The following ZNF717 variants were observed in gnomAD, a reference collection of about 807,000 sequenced individuals.
ZNF717 encodes zinc finger protein 717, also known as krueppel-like factor X17.
A neutral mutation model predicts 13.8 loss-of-function variants in ZNF717; 9 were observed. The observed-to-expected ratio is 0.65, with a 90% CI of 0.39 to 1.14. The LOEUF is 1.14. Among genes scored for constraint, ZNF717 ranks in the 50% most tolerant of loss-of-function variants. The pLI is 0.01. For missense variants in ZNF717, 1,040 were observed against 1,080.7 expected, an observed-to-expected ratio of 0.96 and a Z score of 0.53; for synonymous variants, 327 against 364.1, an observed-to-expected ratio of 0.90 and a Z score of 1.16.
chr3:75,782,906 A>T (rs1172109781), intron 2 of ZNF717, among the ~76,000 whole-genome samples: 2 of 152,232 alleles, frequency 1.3e-5, no homozygotes, highest in Non-Finnish European at 2.9e-5. Context: ...TTTCCACTGC[A>T]CAACACTACA....
chr3:75,756,250 A>G (rs1385139698), intron 2 of ZNF717, among the ~76,000 whole-genome samples: 1 of 152,264 alleles, frequency 6.6e-6, no homozygotes, highest in East Asian at 1.9e-4. Context: ...ACAACTGACA[A>G]ATGCGTGTGT....
chr3:75,772,317 G>A (rs573292919), intron 2 of ZNF717, among the ~76,000 whole-genome samples: 2 of 152,204 alleles, frequency 1.3e-5, no homozygotes, highest in Non-Finnish European at 2.9e-5. Flanking sequence ...AAGAACTCGG[G>A]ACCTGCCAAC....
intron 4 of ZNF717, among the ~76,000 whole-genome samples, chr3:75,722,374 T>C (rs1575722685): frequency 6.6e-6 from 1 of 152,244 alleles, no homozygotes; most frequent in African/African-American, 2.4e-5. Flanking sequence ...TTTTACATTT[T>C]TGCAAAATGT....
At chr3:75,700,770 C>A (rs958671278) in intron 6 of ZNF717, among the ~76,000 whole-genome samples, 1 of 152,254 alleles carries the variant, frequency 6.6e-6, no homozygotes, top group African/African-American at 2.4e-5. Context: ...CTATTTCTTG[C>A]CACATACAAA....
chr3:75,745,219 T>C (rs112326415), intron 2 of ZNF717, among the ~76,000 whole-genome samples: 1 of 151,816 alleles, frequency 6.6e-6, no homozygotes, highest in African/African-American at 2.4e-5. Flanking sequence ...AATTGACATA[T>C]GACATTGCAA....
At chr3:75,732,079 C>T (rs1938609104), downstream of ZNF717, 1 of 703,040 alleles carries the variant, frequency 1.4e-6, no homozygotes, top group Non-Finnish European at 2.6e-6. Flanking sequence ...CTCCACCAGG[C>T]TCCTGTGGCA....
At chr3:75,701,717 A>C (rs74400736) in intron 6 of ZNF717, among the ~76,000 whole-genome samples, 1 of 152,242 alleles carries the variant, frequency 6.6e-6, no homozygotes, top group African/African-American at 2.4e-5. Flanking sequence ...CCCAGTCTCG[A>C]GTATTTTTTT....
In ZNF717 at chr3:75,739,007, G is replaced by C. The variant is rs3009004; in HGVS notation, c.616C>G (p.Leu206Val). 0.37 allele frequency: 560,309 copies of C among 1,532,756 alleles called. 86,469 individuals are homozygous for C. The highest frequency in any genetic ancestry group is 0.55 in the South Asian group (45,051 of 82,016). The allele number at this position is 1,532,756 out of a possible 1,614,324, so 94.9% of individuals were successfully genotyped here. A position where few individuals can be genotyped will look rare whatever the true frequency, so the allele number is the denominator to read the frequency against. The change falls in exon 5 of 5, where the codon CTG (leucine) becomes GTG (valine). Residue 206 changes from leucine (L) to valine (V), a missense_variant. Transcript: ENST00000652011. ...TGTTCATTACATTGAAAAGTCTGCAGCAGAGTTTGAATCTTGTGATGCTGA... is the reference window on the plus strand; with the variant it reads ...TGTTCATTACATTGAAAAGTCTGCACCAGAGTTTGAATCTTGTGATGCTGA... The part of the protein sequence containing the change: ...LTQHHKIQTL[L>V]QTFQCNEQGK...
chr3:75,773,424 C>T (rs1944049183), intron 2 of ZNF717, among the ~76,000 whole-genome samples: 3 of 152,288 alleles, frequency 2.0e-5, no homozygotes, highest in Admixed American at 2.0e-4. Flanking sequence ...AAAATGAGGG[C>T]TCCCAAATTA....
chr3:75,740,164 G>T (rs1575777067), intron 4 of ZNF717, among the ~76,000 whole-genome samples: 1 of 152,108 alleles, frequency 6.6e-6, no homozygotes, highest in Non-Finnish European at 1.5e-5. Flanking sequence ...CACCATTTTT[G>T]AAGGGTTTTA....
chr3:75,702,019 T>C (rs1937706493), intron 6 of ZNF717, among the ~76,000 whole-genome samples: 1 of 152,310 alleles, frequency 6.6e-6, no homozygotes, highest in Non-Finnish European at 1.5e-5. Context: ...AAGGGAACCC[T>C]TGTACACTGT....
At chr3:75,777,815 A>G (rs1239888531) in intron 2 of ZNF717, among the ~76,000 whole-genome samples, 1 of 150,948 alleles carries the variant, frequency 6.6e-6, no homozygotes, top group African/African-American at 2.4e-5. Flanking sequence ...AAACAATGGG[A>G]GTGTCATGCT....
At chr3:75,741,127 C>A (rs1212913570) in intron 4 of ZNF717, 149 bp downstream of exon 4, 1 of 428,118 alleles carries the variant, frequency 2.3e-6, no homozygotes, top group Admixed American at 4.2e-5. Flanking sequence ...GAGAGTTACC[C>A]CTGGGGACTA....
intron 5 of ZNF717, among the ~76,000 whole-genome samples, chr3:75,713,592 T>C (rs1236137597): frequency 1.3e-5 from 2 of 152,190 alleles, no homozygotes; most frequent in African/African-American, 4.8e-5. Flanking sequence ...CATATGGGTA[T>C]AAAAATCCAT....
chr3:75,768,662 C>CG (rs1293568840), intron 2 of ZNF717, among the ~76,000 whole-genome samples: 1 of 123,418 alleles, frequency 8.1e-6, no homozygotes, highest in Non-Finnish European at 1.7e-5. Flanking sequence ...CTGAGTGTGT[C>CG]GGGGGGCAGA....
At chr3:75,718,748 A>T (rs1938112175) in intron 4 of ZNF717, among the ~76,000 whole-genome samples, 1 of 152,102 alleles carries the variant, frequency 6.6e-6, no homozygotes, top group Non-Finnish European at 1.5e-5. Context: ...TACTCCTATG[A>T]GAATCGAATG....
downstream of ZNF717, among the ~76,000 whole-genome samples, chr3:75,726,017 T>C (rs977354343): frequency 2.0e-5 from 3 of 152,248 alleles, no homozygotes; most frequent in Non-Finnish European, 4.4e-5. Context: ...GCTTTGTGGC[T>C]CATTATGAAA....
intron 1 of ZNF717, 80 bp from the exon 2 acceptor site, chr3:75,783,444 G>T: frequency 8.8e-7 from 1 of 1,132,540 alleles, no homozygotes. Context: ...CAACACTCTA[G>T]ACACATTACC....
At chr3:75,777,590 A>C (rs1316290692) in intron 2 of ZNF717, among the ~76,000 whole-genome samples, 1 of 152,026 alleles carries the variant, frequency 6.6e-6, no homozygotes, top group African/African-American at 2.4e-5. Context: ...TAAACTAGAA[A>C]CCCAAAACAA....
Sources: gnomAD v4.1 joint callset for allele counts (sites outside exome capture counted in the v4.1 genomes callset) on GRCh38, gnomAD v4.1.1 for gene constraint, MANE v1.5 for transcripts, NCBI Gene and HGNC (gene_info 2026-07-23, HGNC 2026-07-21) for gene names.